Variants in C19orf38 observed in about 807,000 individuals in gnomAD.
C19orf38 encodes the protein protein HIDE1.
Under a neutral mutation model 26.6 loss-of-function variants are expected in C19orf38, and 14 were observed. That is an observed-to-expected ratio of 0.53 (90% CI 0.35 to 0.82). The LOEUF is 0.82. Ranked by LOEUF, C19orf38 falls within the 40% of genes least tolerant of loss-of-function variation. The pLI, the probability that C19orf38 is intolerant of heterozygous loss-of-function variation, is 0.01. For synonymous variants in C19orf38, 132 were observed against 128.5 expected (o/e 1.03, Z -0.18); for missense variants, 261 against 299.5 (o/e 0.87, Z 0.95).
chr19:10,841,969 T>C, intron 1 of C19orf38: 1 of 1,610,026 alleles, frequency 6.2e-7, no homozygotes, highest in Non-Finnish European at 8.5e-7. Context: ...ATCTTCAAAA[T>C]TTCAGGTCTT....
At chr19:10,852,483 G>A (rs979045825) in intron 2 of C19orf38, among the ~76,000 whole-genome samples, 3 of 152,200 alleles carry the variant, frequency 2.0e-5, no homozygotes, top group African/African-American at 7.2e-5. Flanking sequence ...ATGTTCTAAT[G>A]GTCAGCCCTC....
chr19:10,840,806 C>G (rs1283977945), intron 1 of C19orf38, among the ~76,000 whole-genome samples: 4 of 152,180 alleles, frequency 2.6e-5, no homozygotes, highest in Non-Finnish European at 5.9e-5. Context: ...CGTAAGCCAC[C>G]GCGCCCAGCC....
At chr19:10,857,366 A>ATATATTTTT (rs1433358051) in intron 3 of C19orf38, among the ~76,000 whole-genome samples, 136 of 56,062 alleles carry the variant, frequency 2.4e-3, no homozygotes, top group African/African-American at 4.1e-3. Context: ...ATATATATAT[A>ATATATTTTT]TTTTTTTTTT....
intron 1 of C19orf38, among the ~76,000 whole-genome samples, chr19:10,839,572 T>C (rs1461672604): frequency 6.6e-6 from 1 of 152,160 alleles, no homozygotes; most frequent in Non-Finnish European, 1.5e-5. Context: ...ACTCTGGATA[T>C]TTCATATGAA....
At chr19:10,836,860 G>A (rs2073435411) in intron 1 of C19orf38, 1 of 152,246 alleles carries the variant, frequency 6.6e-6, no homozygotes, top group Admixed American at 6.5e-5. Flanking sequence ...CAGCTTTCCT[G>A]GCTTATAGAC....
At chr19:10,850,905 C>T (rs1177142493) in intron 2 of C19orf38, among the ~76,000 whole-genome samples, 2 of 152,132 alleles carry the variant, frequency 1.3e-5, no homozygotes, top group East Asian at 3.9e-4. Flanking sequence ...TGCTGTGATT[C>T]TTCCCATTTT....
intron 1 of C19orf38, among the ~76,000 whole-genome samples, chr19:10,838,433 T>C (rs1315195081): frequency 6.6e-6 from 1 of 152,044 alleles, no homozygotes; most frequent in African/African-American, 2.4e-5. Flanking sequence ...AAATAACCAT[T>C]TTAAAATTAA....
chr19:10,867,362 T>C (rs1438012488), intron 6 of C19orf38, among the ~76,000 whole-genome samples: 1 of 149,618 alleles, frequency 6.7e-6, no homozygotes, highest in Non-Finnish European at 1.5e-5. Flanking sequence ...GCCAGCACTT[T>C]GGGAGGCCAA....
At chr19:10,841,398 G>A (rs530118926) in intron 1 of C19orf38, among the ~76,000 whole-genome samples, 165 of 152,150 alleles carry the variant, frequency 1.1e-3, no homozygotes, top group Non-Finnish European at 1.2e-3. Context: ...TGGGAGGCTC[G>A]CTTGAGCCCA....
upstream of C19orf38, among the ~76,000 whole-genome samples, chr19:10,844,703 C>T (rs1458951205): frequency 6.6e-6 from 1 of 151,576 alleles, no homozygotes; most frequent in African/African-American, 2.4e-5. Flanking sequence ...AAAAAATTAG[C>T]CGGGCGTGGT....
At chr19:10,857,363 TATA>T (rs1201668858) in intron 3 of C19orf38, among the ~76,000 whole-genome samples, 5 of 89,652 alleles carry the variant, frequency 5.6e-5, no homozygotes, top group East Asian at 1.0e-3. Context: ...TATATATATA[TATA>T]TTTTTTTTTT....
At chr19:10,852,887 C>G (rs549412561) in intron 2 of C19orf38, among the ~76,000 whole-genome samples, 4 of 151,786 alleles carry the variant, frequency 2.6e-5, no homozygotes, top group Admixed American at 6.6e-5. Flanking sequence ...GAGGGAGGAG[C>G]CTTTGGTGGC....
intron 1 of C19orf38, chr19:10,842,038 C>A: frequency 6.2e-7 from 1 of 1,610,566 alleles, no homozygotes; most frequent in Non-Finnish European, 8.5e-7. Context: ...CGAACTCCAT[C>A]TGTTGCTCAG....
chr19:10,837,529 CAG>C (rs1237886118), intron 1 of C19orf38, among the ~76,000 whole-genome samples: 3 of 87,696 alleles, frequency 3.4e-5, no homozygotes, highest in South Asian at 3.9e-4. Context: ...TTTTTTGAGA[CAG>C]AGTCTCCCTC....
intron 4 of C19orf38, among the ~76,000 whole-genome samples, chr19:10,858,883 T>G (rs1452956965): frequency 1.3e-5 from 2 of 151,742 alleles, no homozygotes. Context: ...CTCTGGGGAT[T>G]GAATCCCAGC....
chr19:10,859,390 T>A (rs1422517028), intron 4 of C19orf38, among the ~76,000 whole-genome samples: 11 of 116,570 alleles, frequency 9.4e-5, no homozygotes, highest in African/African-American at 3.4e-4. Context: ...ATATATTTTT[T>A]TTTTTTTTTT....
At chr19:10,866,933 ACC>A (rs2073757500) in intron 6 of C19orf38, among the ~76,000 whole-genome samples, 1 of 151,866 alleles carries the variant, frequency 6.6e-6, no homozygotes, top group South Asian at 2.1e-4. Context: ...GAGCCACTGC[ACC>A]CAGCCTAATT....
chr19:10,846,853 C>T (rs1384409579), upstream of C19orf38, among the ~76,000 whole-genome samples: 1 of 152,168 alleles, frequency 6.6e-6, no homozygotes, highest in Non-Finnish European at 1.5e-5. Context: ...GGGGATTGTT[C>T]TAAGTCCAGA....
In C19orf38 at chr19:10,848,495, A is replaced by G. The variant is rs1381760940; in HGVS notation, c.-14A>G. The G allele has an allele frequency of 5.8e-6, 9 of 1,551,542 alleles. No homozygotes were observed. Among genetic ancestry groups the G allele is most frequent in the African/African-American group, 1.4e-5 (1 of 73,062 alleles). Reference sequence around the variant, plus strand: ...CTGGCCTCAGCCGGATTTCCCAGCCAAACGCAGAGAGAGATGCCCTGGACC... The same window carrying G: ...CTGGCCTCAGCCGGATTTCCCAGCCGAACGCAGAGAGAGATGCCCTGGACC... On this transcript the variant is annotated 5_prime_UTR_variant, in exon 1 of 7. Coordinates refer to ENST00000397820, the MANE Select transcript of C19orf38 (RefSeq NM_001136482.3).
Sources: allele counts gnomAD v4.1 joint callset (sites outside exome capture counted in the v4.1 genomes callset), GRCh38; gene constraint gnomAD v4.1.1; transcripts MANE v1.5; gene names NCBI Gene and HGNC (gene_info 2026-07-23, HGNC 2026-07-21).